The following THSD7A variants were observed in gnomAD, a reference collection of about 807,000 sequenced individuals.
THSD7A encodes thrombospondin type 1 domain containing 7A, also known as thrombospondin type-1 domain-containing protein 7A.
THSD7A carries 96 observed loss-of-function variants against 231.3 expected under a neutral mutation model. The ratio of observed to expected loss-of-function variants is 0.41; its 90% confidence interval spans 0.35 to 0.49. The LOEUF is 0.49. Among genes scored for constraint, THSD7A ranks in the 20% least tolerant of loss-of-function variants. The pLI is 0.05. For synonymous variants in THSD7A, 940 were observed against 743.3 expected, an observed-to-expected ratio of 1.26 and a Z score of -4.30; for missense variants, 2,290 against 2,070.2, an observed-to-expected ratio of 1.11 and a Z score of -2.06.
Position 11,636,243 on chromosome 7 carries a change from C to G in THSD7A, c.909G>C (p.Lys303Asn). Residue 303 changes from lysine (K) to asparagine (N), a missense_variant, in exon 2 of 28, where the codon AAG (lysine) becomes AAC (asparagine). Physicochemically the swap from Lys to Asn is moderately conservative, Grantham distance 94 (BLOSUM62 0). Coordinates refer to ENST00000423059, the MANE Select transcript of THSD7A (RefSeq NM_015204.3). The surrounding 1 kb of genome is among the most constrained non-coding windows in gnomAD (Gnocchi z 10.0). ...DPEARELIKK[K>N]RNRNRQNRQE... Reference sequence around the variant, plus strand: ...GTCTGTTCTGCCTGTTTCTGTTTCTCTTTTTCTTAATAAGCTCGCGGGCTT... The same window carrying G: ...GTCTGTTCTGCCTGTTTCTGTTTCTGTTTTTCTTAATAAGCTCGCGGGCTT... 1 of 1,614,040 alleles carries G rather than the reference C, an allele frequency of 6.2e-7. No individual in the cohort carries two copies. Among genetic ancestry groups the G allele is most frequent in the South Asian group, 1.1e-5 (1 of 91,084 alleles).
In THSD7A at chr7:11,565,686, T is replaced by C. The variant is rs377476424; in HGVS notation, c.1454-22569A>G. ...TAAGCAAGCAATATCTGGCTCTTGG[T>C]TGTCATCACATCGTTTCCTCTTGTT... On this transcript the variant is annotated intron_variant, in intron 4 of 27. Coordinates refer to ENST00000423059, the MANE Select transcript of THSD7A (RefSeq NM_015204.3). Among the ~76,000 whole-genome samples, 16 of 152,314 alleles carry C rather than the reference T, an allele frequency of 1.1e-4. No individual in the cohort carries two copies. In the East Asian group the frequency reaches 2.9e-3, roughly 28 times the overall value.
At chr7:11,528,066 C>G (rs1788552809) in intron 6 of THSD7A, among the ~76,000 whole-genome samples, 1 of 152,114 alleles carries the variant, frequency 6.6e-6, no homozygotes, top group South Asian at 2.1e-4. Flanking sequence ...ACTTGGAAGG[C>G]TGAGGCAGGA....
rs1211481080 is a variant in THSD7A at position 11,374,678 on chromosome 7, T to C, written c.*1116A>G. Reference sequence around the variant, plus strand: ...TATAAAAATCTAGTCATAAACAGCCTTCAAAGAACAATTACAAACCAACTA... The same window carrying C: ...TATAAAAATCTAGTCATAAACAGCCCTCAAAGAACAATTACAAACCAACTA... On this transcript the variant is annotated 3_prime_UTR_variant, in exon 28 of 28. Transcript: ENST00000423059. The C allele has an allele frequency of 6.6e-6, 1 of 151,890 alleles. No individual in the cohort carries two copies. Among genetic ancestry groups the C allele is most frequent in the African/African-American group, 2.4e-5 (1 of 41,352 alleles). The allele number at this position is 151,890 out of a possible 1,614,324, so 9.4% of individuals were successfully genotyped here.
chr7:11,711,604 G>T (rs76490512), intron 1 of THSD7A, among the ~76,000 whole-genome samples: 1 of 151,064 alleles, frequency 6.6e-6, no homozygotes, highest in Non-Finnish European at 1.5e-5. Context: ...GATGATGAAG[G>T]TGAACCTATA....
intron 4 of THSD7A, among the ~76,000 whole-genome samples, chr7:11,555,695 G>GT (rs771133265): frequency 1.3e-5 from 2 of 151,598 alleles, no homozygotes; most frequent in African/African-American, 2.4e-5. Context: ...GTCAATTACA[G>GT]TTTTGTCTAT....
intron 4 of THSD7A, among the ~76,000 whole-genome samples, chr7:11,579,100 T>C (rs1791046564): frequency 6.6e-6 from 1 of 152,242 alleles, no homozygotes; most frequent in Non-Finnish European, 1.5e-5. Flanking sequence ...CATATTTTTG[T>C]GTGCAATAAA....
At chr7:11,499,610 C>G (rs1021092127) in intron 6 of THSD7A, among the ~76,000 whole-genome samples, 1 of 152,038 alleles carries the variant, frequency 6.6e-6, no homozygotes, top group Admixed American at 6.6e-5. Flanking sequence ...ACAGCATAGC[C>G]AGTACAAAAA....
intron 4 of THSD7A, among the ~76,000 whole-genome samples, chr7:11,566,982 A>G (rs916615504): frequency 1.0e-5 from 1 of 95,298 alleles, no homozygotes; most frequent in Non-Finnish European, 2.0e-5. Context: ...GGGACTGACC[A>G]ACAAAGTTTC....
intron 1 of THSD7A, among the ~76,000 whole-genome samples, chr7:11,779,782 G>A (rs1783563946): frequency 6.6e-6 from 1 of 152,158 alleles, no homozygotes; most frequent in African/African-American, 2.4e-5. Flanking sequence ...TTGGGTTGAA[G>A]AAGTATTACA....
intron 9 of THSD7A, among the ~76,000 whole-genome samples, chr7:11,467,564 T>G (rs1785761731): frequency 6.6e-6 from 1 of 152,172 alleles, no homozygotes; most frequent in African/African-American, 2.4e-5. Context: ...CACAATCTAT[T>G]CATTCTCATC....
intron 23 of THSD7A, among the ~76,000 whole-genome samples, chr7:11,388,350 T>G (rs915380100): frequency 2.0e-5 from 3 of 152,206 alleles, no homozygotes; most frequent in African/African-American, 7.2e-5. Flanking sequence ...GGTAGGCTAT[T>G]AATTAGTGCC....
chr7:11,389,025 A>G (rs1445343375), intron 23 of THSD7A, among the ~76,000 whole-genome samples: 1 of 152,174 alleles, frequency 6.6e-6, no homozygotes, highest in Non-Finnish European at 1.5e-5. Flanking sequence ...ACTTCCAATT[A>G]TGTGGTCACT....
rs1392702028 is a variant in THSD7A at position 11,446,164 on chromosome 7, T to C, written c.2961A>G (p.Val987=). ...GTCCGCATTCCTTGATGTCTCCTTGTACTTTCATTCCCAGCAACACTTCCA... is the reference window on the plus strand; with the variant it reads ...GTCCGCATTCCTTGATGTCTCCTTGCACTTTCATTCCCAGCAACACTTCCA... ...GKVEVLLGMK[V]QGDIKECGQG... Residue 987 remains valine, a synonymous_variant, in exon 13 of 28, where the codon GTA becomes GTG. Transcript: ENST00000423059. The surrounding 1 kb of genome is among the most constrained non-coding windows in gnomAD (Gnocchi z 4.0). 2 of 1,613,472 alleles carry C rather than the reference T, an allele frequency of 1.2e-6. No individual in the cohort carries two copies. Among genetic ancestry groups the C allele is most frequent in the African/African-American group, 1.3e-5 (1 of 74,896 alleles).
At chr7:11,729,389 T>C (rs1781650996) in intron 1 of THSD7A, among the ~76,000 whole-genome samples, 1 of 151,738 alleles carries the variant, frequency 6.6e-6, no homozygotes, top group Non-Finnish European at 1.5e-5. Flanking sequence ...AGGTTACCGA[T>C]ACACAGCACC....
At chr7:11,475,679 G>C (rs914750305) in intron 7 of THSD7A, among the ~76,000 whole-genome samples, 1 of 149,184 alleles carries the variant, frequency 6.7e-6, no homozygotes, top group Admixed American at 6.7e-5. Context: ...TTTTTCTAGG[G>C]AATATGGGTA....
chr7:11,498,248 G>A (rs947724006), intron 6 of THSD7A, among the ~76,000 whole-genome samples: 1 of 152,330 alleles, frequency 6.6e-6, no homozygotes, highest in East Asian at 1.9e-4. Context: ...GGAGCTCTCA[G>A]AGAGAGGGGC....
intron 1 of THSD7A, among the ~76,000 whole-genome samples, chr7:11,793,143 G>GA (rs1195161356): frequency 3.3e-5 from 5 of 151,588 alleles, no homozygotes; most frequent in Admixed American, 1.3e-4. Context: ...AAATTAAGCT[G>GA]AAAAAAATGA....
chr7:11,570,777 G>A (rs891163307), intron 4 of THSD7A, among the ~76,000 whole-genome samples: 1 of 152,220 alleles, frequency 6.6e-6, no homozygotes, highest in Non-Finnish European at 1.5e-5. Flanking sequence ...AGGAGAGACT[G>A]TAGGGAGACA....
At position 11,444,705 on chromosome 7, in the gene THSD7A, C is replaced by G. The variant is rs901810491; in HGVS notation, c.3064+1356G>C. Among the ~76,000 whole-genome samples the G allele has an allele frequency of 2.0e-5, 3 of 151,142 alleles. No individual in the cohort carries two copies. Among genetic ancestry groups the G allele is most frequent in the African/African-American group, 7.3e-5 (3 of 41,078 alleles). ...CCATGGTACGTGTATACCTATGTTG[C>G]AAACCTGCACTTTCTGTACATGTAT... is the stretch of plus-strand genomic sequence containing the variant. On this transcript the variant is annotated intron_variant, in intron 13 of 27. Coordinates refer to ENST00000423059, the MANE Select transcript of THSD7A (RefSeq NM_015204.3). The surrounding 1 kb of genome is among the most constrained non-coding windows in gnomAD (Gnocchi z 4.2).
Sources: allele counts gnomAD v4.1 joint callset (sites outside exome capture counted in the v4.1 genomes callset), GRCh38; gene constraint gnomAD v4.1.1; non-coding constraint Gnocchi (gnomAD v3.1); transcripts MANE v1.5; gene names NCBI Gene and HGNC (gene_info 2026-07-23, HGNC 2026-07-21).